UCHL5: variants seen among roughly 807,000 people sequenced by gnomAD.
The protein encoded by UCHL5 is ubiquitin C-terminal hydrolase L5.
Under a neutral mutation model 53.8 loss-of-function variants are expected in UCHL5, and 34 were observed. That is an observed-to-expected ratio of 0.63 (90% CI 0.48 to 0.84). The LOEUF is 0.84. UCHL5 is among the 40% of genes least tolerant of loss of function. The pLI, the probability that UCHL5 is intolerant of heterozygous loss-of-function variation, is 0.00. For missense variants in UCHL5, 290 were observed against 385.6 expected, an observed-to-expected ratio of 0.75 and a Z score of 2.08; for synonymous variants, 111 against 126.3, an observed-to-expected ratio of 0.88 and a Z score of 0.81.
chr1:193,052,332 A>T (rs1330282034), intron 1 of UCHL5, among the ~76,000 whole-genome samples: 3 of 152,086 alleles, frequency 2.0e-5, no homozygotes, highest in Admixed American at 2.0e-4. Context: ...AGCAGTTCTC[A>T]ACTAGGGTGA....
At chr1:193,039,807 C>T (rs1027164842) in intron 3 of UCHL5, among the ~76,000 whole-genome samples, 2 of 152,034 alleles carry the variant, frequency 1.3e-5, no homozygotes, top group African/African-American at 4.8e-5. Flanking sequence ...ACACATAGAC[C>T]AATGGAACAG....
intron 1 of UCHL5, among the ~76,000 whole-genome samples, chr1:193,055,039 G>A (rs1414498662): frequency 1.3e-5 from 2 of 152,100 alleles, no homozygotes; most frequent in African/African-American, 2.4e-5. Context: ...CAACCCTGTC[G>A]GTCAGGTCAT....
At chr1:193,017,431 G>A (rs1202629854) in intron 10 of UCHL5, among the ~76,000 whole-genome samples, 1 of 151,630 alleles carries the variant, frequency 6.6e-6, no homozygotes. Context: ...GAATGAATAA[G>A]AGCAAATAGT....
At chr1:193,028,334 T>A (rs913784645) in intron 6 of UCHL5, among the ~76,000 whole-genome samples, 186 bp from the exon 7 acceptor site, 4 of 152,034 alleles carry the variant, frequency 2.6e-5, no homozygotes, top group Non-Finnish European at 5.9e-5. Context: ...CATAGAAAAA[T>A]AAATATTTTT....
chr1:193,055,643 A>G (rs554395241), intron 1 of UCHL5, among the ~76,000 whole-genome samples: 2 of 152,376 alleles, frequency 1.3e-5, no homozygotes, highest in East Asian at 1.9e-4. Context: ...ATCTATTGAC[A>G]TGATCATGTT....
At chr1:193,019,885 T>C (rs1656287609) in intron 10 of UCHL5, 1 of 965,500 alleles carries the variant, frequency 1.0e-6, no homozygotes. Flanking sequence ...TTTATCTAAC[T>C]TAAAATCTGA....
At chr1:193,059,369 C>T, upstream of UCHL5, 1 of 1,606,898 alleles carries the variant, frequency 6.2e-7, no homozygotes. The surrounding 1 kb of genome is among the most constrained non-coding windows in gnomAD (Gnocchi z 4.9). Flanking sequence ...TCGTCAACCA[C>T]ACGTCACCCC....
Position 193,029,392 on chromosome 1 carries a change from C to A in UCHL5, c.430G>T (p.Ala144Ser), listed in dbSNP as rs2275445. 4.3e-6 allele frequency: 7 copies of A among 1,613,536 alleles called. No individual in the cohort carries two copies. Among genetic ancestry groups the A allele is most frequent in the African/African-American group, 1.3e-5 (1 of 74,894 alleles). The change falls in exon 5 of 11, where the codon GCC becomes TCC. Residue 144 changes from alanine to serine, a missense_variant. Transcript: ENST00000367454. The part of the protein sequence containing the change: ...DVIRQVHNSF[A>S]RQQMFEFDTK... The stretch of plus-strand genomic sequence containing the variant: ...TTTAACATAAAGTCTCTTTACCTGG[C>A]GAAACTGTTGTGTACTTGTCGAATC...
Position 193,035,764 on chromosome 1 carries a change from C to T in UCHL5, c.247-6107G>A, listed in dbSNP as rs1445685516. On this transcript the variant is annotated intron_variant, in intron 3 of 10. Transcript: ENST00000367454. ...TATAAAGCCCAAAAGACAAATCTAC[C>T]CCAAACAGCAATACCAATAGCAACC... Among the ~76,000 whole-genome samples the T allele has an allele frequency of 2.0e-5, 3 of 151,820 alleles. No homozygotes were observed. The East Asian group carries it at 5.8e-4, about 29-fold the overall frequency.
At position 193,029,194 on chromosome 1, in the gene UCHL5, C is replaced by G. The variant is rs1458177690; in HGVS notation, c.550G>C (p.Gly184Arg). The G allele has an allele frequency of 6.2e-7, 1 of 1,612,720 alleles. No individual in the cohort carries two copies. The highest frequency in any genetic ancestry group is 8.5e-7 in the Non-Finnish European group (1 of 1,179,552). ...ACTGCATTACCTAAATCAATCGGTC[C>G]TTCTCTTAATCCATCTAATTCATAC... The part of the protein sequence containing the change: ...RLYELDGLRE[G>R]PIDLGACNQD... The change falls in exon 6 of 11, where the codon GGA (glycine) becomes CGA (arginine). Residue 184 changes from glycine to arginine, a missense_variant. Gly to Arg is a moderately radical substitution (Grantham distance 125). Transcript: ENST00000367454.
intron 1 of UCHL5, among the ~76,000 whole-genome samples, chr1:193,054,765 T>C (rs888515663): frequency 2.6e-5 from 4 of 152,222 alleles, no homozygotes; most frequent in Non-Finnish European, 5.9e-5. Context: ...GCAGTCATAA[T>C]AGACCTTCAT....
chr1:193,041,502 GT>G (rs1665554706), intron 3 of UCHL5, among the ~76,000 whole-genome samples: 1 of 152,158 alleles, frequency 6.6e-6, no homozygotes. Flanking sequence ...ATGTGGCTTT[GT>G]AACAACTCCT....
In UCHL5 at chr1:193,037,023, T is replaced by C. The variant is rs569655568; in HGVS notation, c.247-7366A>G. On this transcript the variant is annotated intron_variant, in intron 3 of 10. Coordinates refer to ENST00000367454, the MANE Select transcript of UCHL5 (RefSeq NM_001199261.3). The stretch of plus-strand genomic sequence containing the variant: ...AAAAGCATACTAAGAGGGAAATTCA[T>C]AGCGAAAATATCAAAAAAGTAGAAA... Among the ~76,000 whole-genome samples the C allele has an allele frequency of 9.2e-5, 14 of 151,880 alleles. No homozygotes were observed. In the South Asian group the frequency reaches 2.9e-3, roughly 31 times the overall value.
intron 3 of UCHL5, among the ~76,000 whole-genome samples, chr1:193,042,536 T>C (rs1306731839): frequency 3.3e-5 from 5 of 152,348 alleles, no homozygotes; most frequent in African/African-American, 1.2e-4. Context: ...TCACATCTAA[T>C]CTATTACACA....
chr1:193,057,036 A>G (rs1211419046), intron 1 of UCHL5, among the ~76,000 whole-genome samples: 1 of 152,258 alleles, frequency 6.6e-6, no homozygotes, highest in East Asian at 1.9e-4. Context: ...AAACTTACCT[A>G]GTACAACATT....
chr1:193,055,018 A>C (rs1388579930), intron 1 of UCHL5, among the ~76,000 whole-genome samples: 3 of 152,222 alleles, frequency 2.0e-5, no homozygotes, highest in Non-Finnish European at 4.4e-5. Context: ...CAAATTAAAC[A>C]GATTTGGCAC....
At chr1:193,059,910 C>G (rs774116140), upstream of UCHL5, 4 of 1,365,828 alleles carry the variant, frequency 2.9e-6, no homozygotes, top group Admixed American at 1.9e-5. The surrounding 1 kb of genome is among the most constrained non-coding windows in gnomAD (Gnocchi z 4.9). Context: ...AACTATCGCT[C>G]TTCCCCGTCC....
At chr1:193,049,986 A>G in intron 2 of UCHL5, 135 bp from the exon 3 acceptor site, 4 of 693,656 alleles carry the variant, frequency 5.8e-6, no homozygotes, top group Non-Finnish European at 6.9e-6. Flanking sequence ...TTAAAAGATC[A>G]CTATTGCCAT....
intron 2 of UCHL5, among the ~76,000 whole-genome samples, chr1:193,050,624 T>C (rs1360293517): frequency 1.3e-5 from 2 of 151,820 alleles, no homozygotes; most frequent in African/African-American, 4.8e-5. Context: ...AGCGTGCCTG[T>C]AATCCCGGCT....
Sources: allele counts gnomAD v4.1 joint callset (sites outside exome capture counted in the v4.1 genomes callset), GRCh38; gene constraint gnomAD v4.1.1; non-coding constraint Gnocchi (gnomAD v3.1); transcripts MANE v1.5; gene names NCBI Gene and HGNC (gene_info 2026-07-23, HGNC 2026-07-21).